The following SLC39A11 variants were observed in gnomAD, a reference collection of about 807,000 sequenced individuals.
SLC39A11 encodes the protein solute carrier family 39 member 11, also known as zinc transporter ZIP11.
Under a neutral mutation model 36.1 loss-of-function variants are expected in SLC39A11, and 33 were observed. The ratio of observed to expected loss-of-function variants is 0.91; its 90% CI spans 0.69 to 1.22. The LOEUF (loss-of-function observed/expected upper bound fraction) is 1.22. Ranked by LOEUF, SLC39A11 falls within the 50% of genes most tolerant of loss-of-function variation. The pLI is 0.00. For missense variants in SLC39A11, 432 were observed against 430.3 expected (o/e 1.00, Z -0.03); for synonymous variants, 166 against 170.3 (o/e 0.97, Z 0.20).
chr17:73,012,328 G>A (rs1265017830), intron 4 of SLC39A11, among the ~76,000 whole-genome samples: 1 of 152,034 alleles, frequency 6.6e-6, no homozygotes, highest in African/African-American at 2.4e-5. Flanking sequence ...TAACATAGAG[G>A]ATAAACGCTT....
intron 3 of SLC39A11, among the ~76,000 whole-genome samples, chr17:73,050,620 C>T (rs897965774): frequency 1.3e-5 from 2 of 152,116 alleles, no homozygotes; most frequent in Admixed American, 1.3e-4. Context: ...CGCACCACCA[C>T]ACCCAGCGAA....
chr17:73,024,305 C>T (rs1226807667), intron 4 of SLC39A11, among the ~76,000 whole-genome samples: 1 of 152,160 alleles, frequency 6.6e-6, no homozygotes, highest in African/African-American at 2.4e-5. Context: ...AGTAGAATTG[C>T]CCATCTGGAG....
intron 6 of SLC39A11, among the ~76,000 whole-genome samples, chr17:72,768,431 T>C (rs2144659036): frequency 6.6e-6 from 1 of 152,340 alleles, no homozygotes; most frequent in East Asian, 1.9e-4. Context: ...CTCATTGTTG[T>C]CATTTTTGCA....
intron 5 of SLC39A11, among the ~76,000 whole-genome samples, chr17:72,876,485 T>G (rs2080901891): frequency 6.6e-6 from 1 of 152,150 alleles, no homozygotes; most frequent in Admixed American, 6.5e-5. Flanking sequence ...TTCTTTTGAA[T>G]AAACACAGAA....
At chr17:72,864,524 G>A (rs1288330092) in intron 5 of SLC39A11, among the ~76,000 whole-genome samples, 2 of 152,120 alleles carry the variant, frequency 1.3e-5, no homozygotes, top group Non-Finnish European at 2.9e-5. Context: ...TGTTACTGCA[G>A]TCGTGAGTCC....
chr17:72,948,090 A>T (rs528432455), intron 4 of SLC39A11, among the ~76,000 whole-genome samples: 1 of 152,330 alleles, frequency 6.6e-6, no homozygotes, highest in Non-Finnish European at 1.5e-5. Context: ...CAAAAAAGAA[A>T]AAAACAACAC....
intron 4 of SLC39A11, among the ~76,000 whole-genome samples, chr17:73,016,027 C>T (rs987199025): frequency 2.6e-5 from 4 of 152,148 alleles, no homozygotes; most frequent in Admixed American, 2.6e-4. Context: ...GCTCTAACAC[C>T]AAGATGCTTT....
At chr17:72,869,538 C>T (rs1185756620) in intron 5 of SLC39A11, among the ~76,000 whole-genome samples, 2 of 152,098 alleles carry the variant, frequency 1.3e-5, no homozygotes, top group Admixed American at 6.5e-5. Context: ...TACAGGCACC[C>T]GCCACCATGC....
chr17:72,772,963 G>A (rs1340446031), intron 6 of SLC39A11, among the ~76,000 whole-genome samples: 1 of 152,156 alleles, frequency 6.6e-6, no homozygotes, highest in East Asian at 1.9e-4. Flanking sequence ...GCGAGTGCCT[G>A]TAATCCCAGC....
chr17:73,088,617 G>A (rs1385789583), intron 2 of SLC39A11, 40 bp downstream of exon 2: 1 of 1,539,658 alleles, frequency 6.5e-7, no homozygotes, highest in Non-Finnish European at 8.9e-7. Context: ...TTACCAACGG[G>A]CTCCCCACCA....
At chr17:72,649,068 G>A (rs540063777) in intron 8 of SLC39A11, 102 bp downstream of exon 8, 74 of 1,543,260 alleles carry the variant, frequency 4.8e-5, no homozygotes, top group South Asian at 3.4e-4. Flanking sequence ...GCCATTCTAC[G>A]TCATATCTGA....
chr17:73,051,397 A>G (rs2059493902), intron 3 of SLC39A11, among the ~76,000 whole-genome samples: 1 of 152,086 alleles, frequency 6.6e-6, no homozygotes, highest in Admixed American at 6.6e-5. Context: ...TGCAGACAGG[A>G]ATTTGCAGGG....
intron 6 of SLC39A11, among the ~76,000 whole-genome samples, chr17:72,768,296 T>A (rs1464807310): frequency 6.6e-6 from 1 of 152,244 alleles, no homozygotes. Context: ...AGAAGGGCTA[T>A]TATCATTTAA....
At chr17:72,701,740 A>AAG (rs1256043591) in intron 7 of SLC39A11, among the ~76,000 whole-genome samples, 4 of 150,222 alleles carry the variant, frequency 2.7e-5, no homozygotes, top group South Asian at 2.1e-4. Context: ...AAAAAAAAAA[A>AAG]AAAAAAGAAA....
chr17:72,985,407 CTTTTTTTTTTT>C lies in SLC39A11; in HGVS notation c.307-37543_307-37533del, dbSNP rs386386576. Among the ~76,000 whole-genome samples, 2 of 78,928 alleles carry C rather than the reference CTTTTTTTTTTT, an allele frequency of 2.5e-5. 1 individual carries two copies. The highest frequency in any genetic ancestry group is 1.0e-4 in the African/African-American group (2 of 19,236). The allele number at this position is 78,928 out of a possible 152,430, so 51.8% of individuals were successfully genotyped here. A position where few individuals can be genotyped will look rare whatever the true frequency, so the allele number is the denominator to read the frequency against. On this transcript the variant is annotated intron_variant, in intron 4 of 9. Coordinates refer to ENST00000255559, the MANE Select transcript of SLC39A11 (RefSeq NM_139177.4). The stretch of plus-strand genomic sequence containing the variant: ...CCTTCTTTATTTGCATGGGGCCTGC[CTTTTTTTTTTT>C]TTTTTTTTTTTTGAGACAGAGTCTC...
intron 5 of SLC39A11, among the ~76,000 whole-genome samples, chr17:72,884,638 G>C (rs1461936173): frequency 6.6e-6 from 1 of 152,218 alleles, no homozygotes; most frequent in Non-Finnish European, 1.5e-5. Flanking sequence ...TGGTGAGGCA[G>C]ACTGGCAGGA....
intron 7 of SLC39A11, among the ~76,000 whole-genome samples, chr17:72,697,263 T>C (rs1035599449): frequency 2.9e-4 from 44 of 152,228 alleles, no homozygotes; most frequent in African/African-American, 1.0e-3. Flanking sequence ...TTGTATTTTT[T>C]GTAGAGATGG....
intron 7 of SLC39A11, among the ~76,000 whole-genome samples, chr17:72,652,094 T>C (rs2069879517): frequency 6.6e-6 from 1 of 152,218 alleles, no homozygotes; most frequent in Non-Finnish European, 1.5e-5. Context: ...AACTCTGACA[T>C]TGCAGGTGCA....
chr17:72,907,547 C>T (rs535301676), intron 5 of SLC39A11, among the ~76,000 whole-genome samples: 10 of 152,256 alleles, frequency 6.6e-5, no homozygotes, highest in African/African-American at 2.4e-4. Context: ...GGTATGAGAC[C>T]TCCTGCCCAT....
Sources: gnomAD v4.1 joint callset for allele counts (sites outside exome capture counted in the v4.1 genomes callset) on GRCh38, gnomAD v4.1.1 for gene constraint, MANE v1.5 for transcripts, NCBI Gene and HGNC (gene_info 2026-07-23, HGNC 2026-07-21) for gene names.